Variants in TOM1 observed in about 807,000 individuals in gnomAD.
TOM1 encodes the protein target of myb1 membrane trafficking protein, also known as target of Myb protein 1.
Under a neutral mutation model 61.3 loss-of-function variants are expected in TOM1, and 38 were observed. The observed-to-expected ratio is 0.62, with a 90% CI of 0.48 to 0.81. TOM1 has a LOEUF of 0.81. TOM1 is among the 40% of genes least tolerant of loss of function. TOM1 has a pLI of 0.00. For synonymous variants in TOM1, 270 were observed against 268.8 expected (o/e 1.00, Z -0.04); for missense variants, 591 against 659.6 (o/e 0.90, Z 1.14).
chr22:35,339,502 G>A (rs1261893058), intron 12 of TOM1, among the ~76,000 whole-genome samples: 1 of 152,218 alleles, frequency 6.6e-6, no homozygotes, highest in African/African-American at 2.4e-5. Flanking sequence ...AGAAGTGTGA[G>A]AGGATATATT....
Position 35,323,649 on chromosome 22 carries a change from C to T in TOM1, c.501+19C>T, listed in dbSNP as rs375718275. The T allele has an allele frequency of 1.7e-5, 28 of 1,613,922 alleles. No homozygotes were observed. The highest frequency in any genetic ancestry group is 2.2e-5 in the East Asian group (1 of 44,882). On this transcript the variant is annotated intron_variant, in intron 5 of 14. Transcript: ENST00000449058. The surrounding 1 kb of genome is among the most constrained non-coding windows in gnomAD (Gnocchi z 4.2). ...CCAGAGGGTGAGAGAACTGCCGTAC[C>T]GGGAACCAAGGGAAGGGAGGCAGGA...
intron 12 of TOM1, chr22:35,345,442 G>T: frequency 1.9e-6 from 1 of 531,356 alleles, no homozygotes; most frequent in South Asian, 2.2e-5. Flanking sequence ...CCTACCCGAA[G>T]GGTGTGTCGG....
intron 7 of TOM1, among the ~76,000 whole-genome samples, chr22:35,328,549 C>T (rs1357233892): frequency 6.6e-6 from 1 of 152,212 alleles, no homozygotes; most frequent in Non-Finnish European, 1.5e-5. Flanking sequence ...GGGGGCCTGG[C>T]TCCAAGTGCT....
intron 1 of TOM1, among the ~76,000 whole-genome samples, chr22:35,314,238 G>T (rs75034965): frequency 1.2e-4 from 18 of 152,160 alleles, no homozygotes; most frequent in African/African-American, 3.9e-4. Flanking sequence ...CCTCCCAACA[G>T]CTGTCTTGTA....
chr22:35,300,002 C>A, intron 1 of TOM1, 22 bp downstream of exon 1: 1 of 1,558,868 alleles, frequency 6.4e-7, no homozygotes, highest in Non-Finnish European at 8.7e-7. Flanking sequence ...GAGCCCCCCA[C>A]AGCTCCGCCC....
chr22:35,321,717 A>G (rs910684972), intron 2 of TOM1: 1 of 633,282 alleles, frequency 1.6e-6, no homozygotes, highest in East Asian at 3.4e-5. Flanking sequence ...CACTTTTAAC[A>G]AAACGCTCTC....
At chr22:35,345,921 T>G in intron 13 of TOM1, 137 bp downstream of exon 13, 1 of 891,674 alleles carries the variant, frequency 1.1e-6, no homozygotes, top group Non-Finnish European at 1.8e-6. Flanking sequence ...AGTCCCCATC[T>G]CCTGCCACCT....
At chr22:35,339,456 T>A (rs1427683250) in intron 12 of TOM1, among the ~76,000 whole-genome samples, 1 of 152,180 alleles carries the variant, frequency 6.6e-6, no homozygotes, top group Non-Finnish European at 1.5e-5. Context: ...TATCTGTACA[T>A]TGGGGCTTAT....
At chr22:35,308,687 C>T (rs1926561540) in intron 1 of TOM1, among the ~76,000 whole-genome samples, 1 of 152,214 alleles carries the variant, frequency 6.6e-6, no homozygotes, top group Non-Finnish European at 1.5e-5. Context: ...GGAGTGAAAA[C>T]AAATGCCATC....
chr22:35,341,296 A>C (rs1483565443), intron 12 of TOM1, among the ~76,000 whole-genome samples: 2 of 152,192 alleles, frequency 1.3e-5, no homozygotes, highest in African/African-American at 4.8e-5. Context: ...GTATTACGGC[A>C]CTTACGCTTC....
chr22:35,311,351 A>G (rs1342624796), intron 1 of TOM1, among the ~76,000 whole-genome samples: 1 of 152,224 alleles, frequency 6.6e-6, no homozygotes, highest in Non-Finnish European at 1.5e-5. Context: ...TGAAACCACC[A>G]CAACAACGCA....
At chr22:35,307,147 G>A (rs936442489) in intron 1 of TOM1, among the ~76,000 whole-genome samples, 1 of 152,110 alleles carries the variant, frequency 6.6e-6, no homozygotes, top group South Asian at 2.1e-4. Flanking sequence ...AGGAGATCTT[G>A]ATCTAGGCCA....
intron 12 of TOM1, among the ~76,000 whole-genome samples, chr22:35,341,249 T>G (rs1337487303): frequency 6.6e-6 from 1 of 152,218 alleles, no homozygotes; most frequent in African/African-American, 2.4e-5. Flanking sequence ...AAACCACAGG[T>G]GTACTGTCCT....
At chr22:35,319,174 G>A (rs978854903) in intron 2 of TOM1, among the ~76,000 whole-genome samples, 5 of 152,150 alleles carry the variant, frequency 3.3e-5, no homozygotes, top group African/African-American at 1.2e-4. Context: ...CTCTAGACAG[G>A]CCTGGGAGCT....
At chr22:35,314,313 C>T (rs1347388378) in intron 1 of TOM1, among the ~76,000 whole-genome samples, 3 of 152,154 alleles carry the variant, frequency 2.0e-5, no homozygotes, top group Admixed American at 6.5e-5. Flanking sequence ...TCCCCTTTCT[C>T]GTTTAGGCCA....
intron 6 of TOM1, among the ~76,000 whole-genome samples, chr22:35,324,504 T>C (rs1332383684): frequency 6.6e-6 from 1 of 151,690 alleles, no homozygotes; most frequent in African/African-American, 2.4e-5. Flanking sequence ...AAAAAACATA[T>C]GTACATTGTA....
chr22:35,346,941 G>C lies in TOM1; in HGVS notation c.1296G>C (p.Ala432=). The change falls in exon 14 of 15, where the codon GCG becomes GCC. Residue 432 remains alanine (A), a synonymous_variant. Coordinates refer to ENST00000449058, the MANE Select transcript of TOM1 (RefSeq NM_005488.3). Reference sequence around the variant, plus strand: ...TTCTACCTTCCCAGGGTAATGATGCGGAAGAGCCTAAGGGGGTCACCAGCG... The same window carrying C: ...TTCTACCTTCCCAGGGTAATGATGCCGAAGAGCCTAAGGGGGTCACCAGCG... ...QWLSTDVGND[A]EEPKGVTSEE... is the part of the protein sequence containing the mutation. The C allele has an allele frequency of 1.2e-6, 2 of 1,612,608 alleles. No homozygotes were observed. The highest frequency in any genetic ancestry group is 1.7e-6 in the Non-Finnish European group (2 of 1,179,456).
intron 12 of TOM1, among the ~76,000 whole-genome samples, chr22:35,339,174 T>C (rs1463672408): frequency 6.6e-6 from 1 of 151,866 alleles, no homozygotes; most frequent in Non-Finnish European, 1.5e-5. Context: ...CTACTAAAAA[T>C]ACAAAAATTA....
intron 6 of TOM1, among the ~76,000 whole-genome samples, chr22:35,326,694 G>A (rs568771000): frequency 4.0e-5 from 6 of 151,614 alleles, no homozygotes; most frequent in East Asian, 1.9e-4. Flanking sequence ...GAGAGAGGAC[G>A]GAATCCCAGT....
Sources: gnomAD v4.1 joint callset for allele counts (sites outside exome capture counted in the v4.1 genomes callset) on GRCh38, gnomAD v4.1.1 for gene constraint, Gnocchi (gnomAD v3.1) non-coding constraint, MANE v1.5 for transcripts, NCBI Gene and HGNC (gene_info 2026-07-23, HGNC 2026-07-21) for gene names.